The following ZFPM2 variants were observed in gnomAD, a reference collection of about 807,000 sequenced individuals.
ZFPM2 encodes the protein zinc finger protein ZFPM2.
ZFPM2 carries 20 observed loss-of-function variants against 98.6 expected under a neutral mutation model. The ratio of observed to expected loss-of-function variants is 0.20; its 90% CI spans 0.14 to 0.29. The LOEUF is 0.29. Ranked by LOEUF, ZFPM2 falls within the 10% of genes least tolerant of loss-of-function variation. The pLI is 1.00. For synonymous variants in ZFPM2, 518 were observed against 502.7 expected (o/e 1.03, Z -0.41); for missense variants, 1,310 against 1,388.6 (o/e 0.94, Z 0.90).
chr8:105,372,943 G>A (rs758376497), intron 1 of ZFPM2, among the ~76,000 whole-genome samples: 3 of 152,132 alleles, frequency 2.0e-5, no homozygotes, highest in Non-Finnish European at 4.4e-5. Flanking sequence ...AGGGAAGTAA[G>A]AGAAAAATGT....
chr8:105,561,394 A>C lies in ZFPM2; in HGVS notation c.333A>C (p.Glu111Asp), dbSNP rs764921045. ...GELEVFQKDGERKIQSRQQLP... is the reference protein window; with the variant it reads ...GELEVFQKDGDRKIQSRQQLP... ...TGGAGGTGTTTCAGAAAGATGGGGAACGAAAAATTCAGAGTCGACAGCAAC... is the reference window on the plus strand; with the variant it reads ...TGGAGGTGTTTCAGAAAGATGGGGACCGAAAAATTCAGAGTCGACAGCAAC... The change falls in exon 4 of 8, where the codon GAA becomes GAC. Residue 111 changes from glutamate (E) to aspartate (D), a missense_variant. Coordinates refer to ENST00000407775, the MANE Select transcript of ZFPM2 (RefSeq NM_012082.4). The C allele has an allele frequency of 1.9e-5, 31 of 1,613,476 alleles. 1 individual carries two copies. In the South Asian group the frequency reaches 3.2e-4, roughly 17 times the overall value.
chr8:105,536,740 C>T lies in ZFPM2; in HGVS notation c.302-24623C>T, dbSNP rs1323460486. Among the ~76,000 whole-genome samples, 8 of 152,180 alleles carry T rather than the reference C, an allele frequency of 5.3e-5. No individual in the cohort carries two copies. In the East Asian group the frequency reaches 1.5e-3, roughly 29 times the overall value. On this transcript the variant is annotated intron_variant, in intron 3 of 7. Coordinates refer to ENST00000407775, the MANE Select transcript of ZFPM2 (RefSeq NM_012082.4). Reference sequence around the variant, plus strand: ...GGAGACTTGTATGAAAGCATGGGGGCAGTCAGGGAAGAATGAGTGTCAGAA... The same window carrying T: ...GGAGACTTGTATGAAAGCATGGGGGTAGTCAGGGAAGAATGAGTGTCAGAA...
chr8:105,581,298 G>A (rs1356691439), intron 4 of ZFPM2, among the ~76,000 whole-genome samples: 3 of 152,076 alleles, frequency 2.0e-5, no homozygotes, highest in Admixed American at 1.3e-4. Context: ...CTAGTGCATA[G>A]GGGCCAAAGA....
At chr8:105,790,544 T>C (rs1813577693) in intron 6 of ZFPM2, among the ~76,000 whole-genome samples, 1 of 151,630 alleles carries the variant, frequency 6.6e-6, no homozygotes, top group African/African-American at 2.4e-5. Flanking sequence ...TCCAGCTTTG[T>C]TCTTTTGGCT....
intron 1 of ZFPM2, among the ~76,000 whole-genome samples, chr8:105,415,874 A>T (rs1251444448): frequency 6.6e-6 from 1 of 152,140 alleles, no homozygotes; most frequent in East Asian, 1.9e-4. Context: ...TGGAAGAAAT[A>T]CAAGTTGGTC....
At chr8:105,523,158 C>T (rs940348572) in intron 3 of ZFPM2, among the ~76,000 whole-genome samples, 2 of 151,976 alleles carry the variant, frequency 1.3e-5, no homozygotes, top group African/African-American at 4.8e-5. Flanking sequence ...ATATTTAGTA[C>T]AGTACTTTGT....
intron 3 of ZFPM2, among the ~76,000 whole-genome samples, chr8:105,463,179 C>A (rs959636948): frequency 1.3e-5 from 2 of 151,882 alleles, no homozygotes; most frequent in African/African-American, 4.8e-5. Flanking sequence ...AGCTTCCTTG[C>A]AGCCAGTGTT....
chr8:105,534,832 A>T (rs1814414598), intron 3 of ZFPM2, among the ~76,000 whole-genome samples: 1 of 152,154 alleles, frequency 6.6e-6, no homozygotes, highest in South Asian at 2.1e-4. Context: ...GGAGATGATG[A>T]TATTTACAGT....
intron 1 of ZFPM2, among the ~76,000 whole-genome samples, chr8:105,362,332 G>T (rs1041918985): frequency 6.6e-6 from 1 of 151,754 alleles, no homozygotes; most frequent in Non-Finnish European, 1.5e-5. Context: ...TACTGGATCA[G>T]GGTAACTGAT....
chr8:105,629,941 A>G (rs1317954903), intron 4 of ZFPM2, among the ~76,000 whole-genome samples: 2 of 152,168 alleles, frequency 1.3e-5, no homozygotes, highest in African/African-American at 4.8e-5. Flanking sequence ...TAATCTCACC[A>G]TCTCATGGTA....
At chr8:105,465,355 T>C (rs1036323625) in intron 3 of ZFPM2, among the ~76,000 whole-genome samples, 5 of 151,970 alleles carry the variant, frequency 3.3e-5, no homozygotes, top group Non-Finnish European at 7.4e-5. Flanking sequence ...TTTGGACAAA[T>C]TGAATATAGA....
chr8:105,682,856 A>G (rs1346144896), intron 5 of ZFPM2, among the ~76,000 whole-genome samples: 2 of 152,130 alleles, frequency 1.3e-5, no homozygotes, highest in Non-Finnish European at 2.9e-5. Flanking sequence ...GGGATGTGGC[A>G]CAAGAGTCAG....
chr8:105,435,800 A>AG (rs1459590716), intron 2 of ZFPM2, among the ~76,000 whole-genome samples: 1 of 140,256 alleles, frequency 7.1e-6, no homozygotes, highest in Non-Finnish European at 1.5e-5. Context: ...CTCTATTGTG[A>AG]GAAAAAAAAT....
chr8:105,458,728 A>C (rs1812646978), intron 3 of ZFPM2, among the ~76,000 whole-genome samples: 1 of 152,008 alleles, frequency 6.6e-6, no homozygotes, highest in Non-Finnish European at 1.5e-5. Flanking sequence ...ACCAATTAAA[A>C]GAAAAGCAAG....
rs183338942 is a variant in ZFPM2, at chr8:105,596,812, T to C, written c.420+35331T>C. Among the ~76,000 whole-genome samples the C allele has an allele frequency of 1.6e-3, 239 of 145,414 alleles. 1 individual carries two copies. Among genetic ancestry groups the C allele is most frequent in the East Asian group, 8.1e-4 (4 of 4,924 alleles). On this transcript the variant is annotated intron_variant, in intron 4 of 7. Transcript: ENST00000407775. ...AGCAGATAGAGCAGATAGGGAAAGA[T>C]GGCCTGGAACTCTATCTCTAAAACT...
chr8:105,550,439 A>G (rs1330645211), intron 3 of ZFPM2, among the ~76,000 whole-genome samples: 1 of 152,202 alleles, frequency 6.6e-6, no homozygotes, highest in Non-Finnish European at 1.5e-5. Context: ...TCCTGGTATC[A>G]CTACTAATTT....
chr8:105,487,767 C>T (rs1813258867), intron 3 of ZFPM2, among the ~76,000 whole-genome samples: 2 of 152,078 alleles, frequency 1.3e-5, no homozygotes, highest in African/African-American at 2.4e-5. Context: ...TCATCATCAT[C>T]GTCATCATTA....
intron 5 of ZFPM2, among the ~76,000 whole-genome samples, chr8:105,766,070 C>A (rs188718762): frequency 6.6e-6 from 1 of 151,714 alleles, no homozygotes; most frequent in Admixed American, 6.6e-5. Context: ...ATCTTTATGG[C>A]CTTTATCTTC....
intron 2 of ZFPM2, among the ~76,000 whole-genome samples, chr8:105,430,067 CAG>C (rs1274823552): frequency 2.0e-5 from 3 of 152,278 alleles, no homozygotes; most frequent in African/African-American, 7.2e-5. Context: ...GCTCGTTTGA[CAG>C]GGGTTTCTGA....
Sources: gnomAD v4.1 joint callset for allele counts (sites outside exome capture counted in the v4.1 genomes callset) on GRCh38, gnomAD v4.1.1 for gene constraint, MANE v1.5 for transcripts, NCBI Gene and HGNC (gene_info 2026-07-23, HGNC 2026-07-21) for gene names.